The following PCLO variants were observed in gnomAD, a reference collection of about 807,000 sequenced individuals.
PCLO encodes the protein piccolo presynaptic cytomatrix protein.
A neutral mutation model predicts 427.5 loss-of-function variants in PCLO; 82 were observed. That is an observed-to-expected ratio of 0.19 (90% CI 0.16 to 0.23). PCLO has a LOEUF of 0.23. Ranked by LOEUF, PCLO falls within the 10% of genes least tolerant of loss-of-function variation. The pLI, the probability that PCLO is intolerant of heterozygous loss-of-function variation, is 1.00. For missense variants in PCLO, 6,239 were observed against 6,115.9 expected (o/e 1.02, Z -0.67); for synonymous variants, 2,357 against 2,155.4 (o/e 1.09, Z -2.59).
chr7:83,093,211 A>G (rs1411540040), intron 3 of PCLO, among the ~76,000 whole-genome samples: 1 of 151,496 alleles, frequency 6.6e-6, no homozygotes, highest in Non-Finnish European at 1.5e-5. Flanking sequence ...AATCAAAGAG[A>G]GCAAAATGTT....
chr7:83,132,470 A>G (rs1314264776), intron 3 of PCLO, among the ~76,000 whole-genome samples: 1 of 152,116 alleles, frequency 6.6e-6, no homozygotes, highest in Non-Finnish European at 1.5e-5. Context: ...TTTCCAAATT[A>G]CCACTTTCAA....
chr7:82,920,843 A>T lies in PCLO; in HGVS notation c.11113-3970T>A, dbSNP rs60560432. Among the ~76,000 whole-genome samples the T allele has an allele frequency of 7.7e-3, 1,164 of 151,950 alleles. 13 individuals are homozygous for T. Among genetic ancestry groups the T allele is most frequent in the African/African-American group, 0.026 (1,100 of 41,526 alleles). ...TCTGAGCTCAACATGAGGATGAGAAAAGAAAGATCTGTAGTTTTTTCAAAT... is the reference window on the plus strand; with the variant it reads ...TCTGAGCTCAACATGAGGATGAGAATAGAAAGATCTGTAGTTTTTTCAAAT... On this transcript the variant is annotated intron_variant, in intron 6 of 24. Transcript: ENST00000333891.
intron 16 of PCLO, among the ~76,000 whole-genome samples, chr7:82,830,359 TGACTTAATTTGATGGTGATA>T (rs1417522683): frequency 2.0e-5 from 3 of 151,956 alleles, no homozygotes; most frequent in Non-Finnish European, 2.9e-5. Flanking sequence ...TTAGAACTAA[TGACTTAATTTGATGGTGATA>T]GAATTAGTGT....
intron 22 of PCLO, among the ~76,000 whole-genome samples, chr7:82,785,177 TG>T (rs914814360): frequency 1.3e-5 from 2 of 152,078 alleles, no homozygotes; most frequent in African/African-American, 4.8e-5. Context: ...TTCCATGGAT[TG>T]GGGGCTGTGG....
Position 82,950,504 on chromosome 7 carries a change from C to A in PCLO, c.10084G>T (p.Val3362Phe), listed in dbSNP as rs966274404. ...CTTTGTGGTATTTCAATTGCCACAACAGCTGAAGCTGTGGTGGTTGCATCT... is the reference window on the plus strand; with the variant it reads ...CTTTGTGGTATTTCAATTGCCACAAAAGCTGAAGCTGTGGTGGTTGCATCT... ...TEDATTTASA[V>F]VAIEIPQSQG... The change falls in exon 6 of 25, where the codon GTT (valine) becomes TTT (phenylalanine). Residue 3362 changes from valine (V) to phenylalanine (F), a missense_variant. By Grantham distance (50) the Val-to-Phe change is conservative. Transcript: ENST00000333891. The A allele has an allele frequency of 6.2e-7, 1 of 1,613,748 alleles. No individual in the cohort carries two copies. The highest frequency in any genetic ancestry group is 8.5e-7 in the Non-Finnish European group (1 of 1,179,856).
intron 3 of PCLO, among the ~76,000 whole-genome samples, chr7:83,039,051 T>A (rs2116199384): frequency 6.6e-6 from 1 of 152,172 alleles, no homozygotes. Context: ...TTAGAGCCTT[T>A]GCTCATTTTT....
chr7:82,846,280 T>C (rs551412811), intron 12 of PCLO, among the ~76,000 whole-genome samples: 12 of 152,302 alleles, frequency 7.9e-5, no homozygotes, highest in African/African-American at 2.9e-4. Flanking sequence ...GATGAATTCA[T>C]ATTTAAAGAA....
rs9969358 is a variant in PCLO at position 82,966,008 on chromosome 7, C to T, written c.3780G>A (p.Gln1260=). 0.014 allele frequency: 22,592 copies of T among 1,613,442 alleles called. 2,643 individuals are homozygous for T. In the African/African-American group the frequency reaches 0.26, roughly 18 times the overall value. ...CTTGAGATTTAAGTAAGTCATGTTT[C>T]TGTTCTTCTGGGGCTGATGTTTTTG... The part of the protein sequence containing the change: ...PEAKTSAPEE[Q]KHDLLKSQVQ... Residue 1260 remains glutamine (Q), a synonymous_variant, in exon 4 of 25, where the codon CAG becomes CAA. Transcript: ENST00000333891.
In PCLO at chr7:82,952,234, T is replaced by C. The variant is rs1282036867; in HGVS notation, c.8719A>G (p.Arg2907Gly). 3 of 1,613,946 alleles carry C rather than the reference T, an allele frequency of 1.9e-6. No individual in the cohort carries two copies. Among genetic ancestry groups the C allele is most frequent in the East Asian group, 2.2e-5 (1 of 44,880 alleles). The change falls in exon 5 of 25, where the codon AGA becomes GGA. Residue 2907 changes from arginine (R) to glycine (G), a missense_variant. By Grantham distance (125) the Arg-to-Gly change is moderately radical. Transcript: ENST00000333891. ...VVDLSTTKSH[R>G]TVVTMDESTS... Reference sequence around the variant, plus strand: ...GACTCATCCATTGTTACGACTGTTCTGTGAGACTTGGTTGTACTGAGATCC... The same window carrying C: ...GACTCATCCATTGTTACGACTGTTCCGTGAGACTTGGTTGTACTGAGATCC...
chr7:82,994,207 A>G (rs1796441964), intron 3 of PCLO, among the ~76,000 whole-genome samples: 1 of 152,096 alleles, frequency 6.6e-6, no homozygotes, highest in Non-Finnish European at 1.5e-5. Flanking sequence ...TTCAATAACT[A>G]TATTGATTAA....
At chr7:82,838,495 A>G (rs985790139) in intron 14 of PCLO, among the ~76,000 whole-genome samples, 153 bp from the exon 15 acceptor site, 12 of 152,006 alleles carry the variant, frequency 7.9e-5, no homozygotes, top group African/African-American at 2.9e-4. Flanking sequence ...GTTAATGTCT[A>G]ATTTAATTGA....
chr7:82,958,474 T>G (rs982768968), intron 4 of PCLO, among the ~76,000 whole-genome samples: 4 of 152,142 alleles, frequency 2.6e-5, no homozygotes, highest in Non-Finnish European at 5.9e-5. Flanking sequence ...TACATTCATT[T>G]TCATCTAAAT....
intron 3 of PCLO, among the ~76,000 whole-genome samples, chr7:83,116,859 CAT>C (rs573837587): frequency 7.1e-4 from 108 of 152,200 alleles, no homozygotes; most frequent in African/African-American, 2.4e-3. Context: ...TAAAATTACA[CAT>C]GAGGGAGGTA....
chr7:82,772,281 G>C (rs1790662983), intron 22 of PCLO, among the ~76,000 whole-genome samples: 2 of 152,036 alleles, frequency 1.3e-5, no homozygotes, highest in Non-Finnish European at 2.9e-5. Flanking sequence ...CCATTGATGA[G>C]AGATATTTCG....
intron 3 of PCLO, among the ~76,000 whole-genome samples, chr7:83,097,275 C>A (rs1790611115): frequency 7.1e-6 from 1 of 141,046 alleles, no homozygotes; most frequent in Admixed American, 7.8e-5. Flanking sequence ...GTAATCCCAG[C>A]ACTTTGGGAG....
intron 9 of PCLO, 143 bp from the exon 10 acceptor site, chr7:82,879,605 G>C: frequency 1.6e-6 from 1 of 608,760 alleles, no homozygotes; most frequent in South Asian, 2.2e-5. Flanking sequence ...CAAAACCAAA[G>C]TATGTTATTC....
rs140609798 is a variant in PCLO at position 82,929,505 on chromosome 7, C to T, written c.11113-12632G>A. 1.9e-3 allele frequency among the ~76,000 whole-genome samples: 294 copies of T among 152,174 alleles called. 2 individuals carry two copies. Among genetic ancestry groups the T allele is most frequent in the African/African-American group, 6.8e-3 (282 of 41,528 alleles). The stretch of plus-strand genomic sequence containing the variant: ...AAATAATCTACAATGCAAATTTCTA[C>T]ATTAGCATATATGATTAAAAATAAA... On this transcript the variant is annotated intron_variant, in intron 6 of 24. Transcript: ENST00000333891.
intron 22 of PCLO, among the ~76,000 whole-genome samples, chr7:82,775,058 T>C (rs1313258885): frequency 6.6e-6 from 1 of 152,212 alleles, no homozygotes; most frequent in Non-Finnish European, 1.5e-5. Context: ...CTTTCATAGC[T>C]TTATAGCTCA....
intron 20 of PCLO, among the ~76,000 whole-genome samples, chr7:82,808,561 C>T (rs1051432341): frequency 1.9e-4 from 29 of 151,714 alleles, no homozygotes; most frequent in Non-Finnish European, 3.0e-5. Context: ...TTTTGAAAGC[C>T]TGTGCAAGTG....
Sources: gnomAD v4.1 joint callset for allele counts (sites outside exome capture counted in the v4.1 genomes callset) on GRCh38, gnomAD v4.1.1 for gene constraint, MANE v1.5 for transcripts, NCBI Gene and HGNC (gene_info 2026-07-23, HGNC 2026-07-21) for gene names.